The following RIMS2 variants were observed in gnomAD, a reference collection of about 807,000 sequenced individuals.
The protein encoded by RIMS2 is regulating synaptic membrane exocytosis protein 2.
RIMS2 carries 59 observed loss-of-function variants against 174.4 expected under a neutral mutation model. The ratio of observed to expected loss-of-function variants is 0.34; its 90% confidence interval spans 0.27 to 0.42. RIMS2 has a LOEUF of 0.42. Ranked by LOEUF, RIMS2 falls within the 10% of genes least tolerant of loss-of-function variation. RIMS2 has a pLI of 1.00. For missense variants in RIMS2, 1,620 were observed against 1,666.3 expected (o/e 0.97, Z 0.48); for synonymous variants, 606 against 572.5 (o/e 1.06, Z -0.84).
chr8:103,934,493 G>C (rs1365733238), intron 12 of RIMS2, among the ~76,000 whole-genome samples: 4 of 152,104 alleles, frequency 2.6e-5, no homozygotes, highest in Middle Eastern at 3.4e-3. Flanking sequence ...TTGTGAATTG[G>C]TGCTTGGGTA....
At chr8:104,063,767 G>C (rs1464764925) in intron 19 of RIMS2, among the ~76,000 whole-genome samples, 1 of 152,062 alleles carries the variant, frequency 6.6e-6, no homozygotes, top group Non-Finnish European at 1.5e-5. Flanking sequence ...TATTCTGGTC[G>C]CTGTTCAGCT....
intron 19 of RIMS2, among the ~76,000 whole-genome samples, chr8:104,098,024 T>G (rs1200967229): frequency 6.6e-6 from 1 of 152,152 alleles, no homozygotes; most frequent in East Asian, 1.9e-4. Flanking sequence ...TAATTGCTAT[T>G]TTCGTTAATT....
At chr8:103,512,800 C>G (rs1213804417) in intron 1 of RIMS2, among the ~76,000 whole-genome samples, 3 of 152,044 alleles carry the variant, frequency 2.0e-5, no homozygotes, top group Non-Finnish European at 4.4e-5. Context: ...TTGCTTTCTA[C>G]TTTTTAAAGA....
At chr8:103,681,046 A>C (rs982465014) in intron 1 of RIMS2, among the ~76,000 whole-genome samples, 2 of 152,062 alleles carry the variant, frequency 1.3e-5, no homozygotes, top group Non-Finnish European at 2.9e-5. Flanking sequence ...TAAAGAGCCA[A>C]CTTAAAGAAA....
At chr8:103,609,939 G>A (rs1260791425) in intron 1 of RIMS2, among the ~76,000 whole-genome samples, 1 of 152,112 alleles carries the variant, frequency 6.6e-6, no homozygotes, top group Non-Finnish European at 1.5e-5. Flanking sequence ...CCATTTTAAT[G>A]ATATTGATTA....
intron 2 of RIMS2, among the ~76,000 whole-genome samples, chr8:103,704,527 G>C (rs989944490): frequency 3.9e-5 from 6 of 152,056 alleles, no homozygotes; most frequent in African/African-American, 1.4e-4. Context: ...CTTGTTGGCA[G>C]AGTTTGAGTA....
chr8:104,070,012 T>A (rs1181645900), intron 19 of RIMS2, among the ~76,000 whole-genome samples: 2 of 152,204 alleles, frequency 1.3e-5, no homozygotes, highest in Non-Finnish European at 2.9e-5. Context: ...CAATCTGGAT[T>A]TTTTGAAAGT....
chr8:103,741,865 T>A (rs1050968199), intron 2 of RIMS2, among the ~76,000 whole-genome samples: 2 of 152,134 alleles, frequency 1.3e-5, no homozygotes, highest in African/African-American at 4.8e-5. Context: ...ATCAGCCACA[T>A]GAAACTTTCT....
intron 19 of RIMS2, among the ~76,000 whole-genome samples, chr8:104,220,829 ACTT>A (rs945158195): frequency 1.3e-5 from 2 of 152,084 alleles, no homozygotes; most frequent in African/African-American, 4.8e-5. Context: ...CTGGTCTCGA[ACTT>A]CTGAGCTCAA....
At chr8:103,610,389 G>A (rs112433722) in intron 1 of RIMS2, among the ~76,000 whole-genome samples, 73 of 152,136 alleles carry the variant, frequency 4.8e-4, no homozygotes, top group African/African-American at 1.4e-3. Context: ...TGGTGATAGA[G>A]GGCATCCCTG....
intron 1 of RIMS2, among the ~76,000 whole-genome samples, chr8:103,558,004 G>T (rs2090823550): frequency 1.3e-5 from 2 of 152,092 alleles, no homozygotes; most frequent in Admixed American, 1.3e-4. Flanking sequence ...TCCTTCAGTT[G>T]TAAAAATTTC....
At chr8:103,527,076 A>G (rs1233900609) in intron 1 of RIMS2, among the ~76,000 whole-genome samples, 2 of 152,254 alleles carry the variant, frequency 1.3e-5, no homozygotes, top group East Asian at 3.8e-4. Flanking sequence ...AACAGAAACA[A>G]TAAATGCTAT....
intron 17 of RIMS2, 142 bp downstream of exon 19, chr8:103,989,563 C>T (rs1259655314): frequency 1.5e-5 from 8 of 534,736 alleles, no homozygotes; most frequent in Non-Finnish European, 2.6e-5. Context: ...TACATTATTT[C>T]TTATGACTGC....
Position 104,008,961 on chromosome 8 carries a change from T to C in RIMS2, c.3045-4481T>C, listed in dbSNP as rs548633727. Among the ~76,000 whole-genome samples, 8 of 152,150 alleles carry C rather than the reference T, an allele frequency of 5.3e-5. No homozygotes were observed. In the East Asian group the frequency reaches 9.6e-4, roughly 18 times the overall value. On this transcript the variant is annotated intron_variant, in intron 17 of 23. Coordinates refer to ENST00000504942, the Ensembl canonical transcript of RIMS2. ...TCGTGCACATTACCTATTTGCTTAT[T>C]TACCATGATTTCTATGGCAAATATT...
At chr8:104,132,534 C>T (rs1226006589) in intron 19 of RIMS2, among the ~76,000 whole-genome samples, 4 of 151,990 alleles carry the variant, frequency 2.6e-5, no homozygotes, top group South Asian at 2.1e-4. Flanking sequence ...TTTTTCTGAC[C>T]TGCTATATTA....
chr8:103,912,946 T>G (rs1435739815), intron 6 of RIMS2, among the ~76,000 whole-genome samples: 1 of 150,890 alleles, frequency 6.6e-6, no homozygotes, highest in Non-Finnish European at 1.5e-5. Context: ...AGTGAAGTCC[T>G]GTCTCTAGCA....
intron 15 of RIMS2, among the ~76,000 whole-genome samples, chr8:103,962,588 G>A (rs1054488664): frequency 2.0e-5 from 3 of 152,010 alleles, no homozygotes; most frequent in Admixed American, 1.3e-4. Flanking sequence ...TAGATTTTTC[G>A]TAATATACTA....
intron 19 of RIMS2, among the ~76,000 whole-genome samples, chr8:104,115,398 AT>A (rs545973259): frequency 3.3e-4 from 49 of 149,780 alleles, no homozygotes; most frequent in South Asian, 8.4e-4. Flanking sequence ...GGAGGGAAGG[AT>A]TTTTTTTTTA....
chr8:103,627,737 A>G (rs751818632), intron 1 of RIMS2, among the ~76,000 whole-genome samples: 6 of 152,234 alleles, frequency 3.9e-5, no homozygotes, highest in Non-Finnish European at 5.9e-5. Flanking sequence ...CAGTTTTACA[A>G]TGGAGAACTA....
Sources: allele counts gnomAD v4.1 joint callset (sites outside exome capture counted in the v4.1 genomes callset), GRCh38; gene constraint gnomAD v4.1.1; transcripts MANE v1.5; gene names NCBI Gene and HGNC (gene_info 2026-07-23, HGNC 2026-07-21).